MTMR3: variants seen among roughly 807,000 people sequenced by gnomAD.
MTMR3 encodes myotubularin related protein 3, also known as phosphatidylinositol-3,5-bisphosphate 3-phosphatase MTMR3.
MTMR3 carries 32 observed loss-of-function variants against 132.4 expected under a neutral mutation model. The observed-to-expected ratio is 0.24, with a 90% CI of 0.18 to 0.32. The LOEUF (loss-of-function observed/expected upper bound fraction) is 0.32. MTMR3 is among the 10% of genes least tolerant of loss of function. The pLI, the probability that MTMR3 is intolerant of heterozygous loss-of-function variation, is 1.00. For missense variants in MTMR3, 1,216 were observed against 1,489.6 expected (o/e 0.82, Z 3.02); for synonymous variants, 556 against 550.3 (o/e 1.01, Z -0.14).
chr22:30,008,092 A>G lies in MTMR3; in HGVS notation c.1009+60A>G, dbSNP rs185169625. On this transcript the variant is annotated intron_variant, in intron 11 of 19. Transcript: ENST00000401950. ...TCCTTGTGAGTGTAGCCCTTGCCCA[A>G]CTGAGACTTAGTTCCCAATTTGAAA... 7 of 1,580,522 alleles carry G rather than the reference A, an allele frequency of 4.4e-6. No homozygotes were observed. In the African/African-American group the frequency reaches 6.8e-5, roughly 15 times the overall value.
Position 29,991,625 on chromosome 22 carries a change from G to T in MTMR3, c.415G>T (p.Val139Phe). 2.5e-6 allele frequency: 4 copies of T among 1,613,400 alleles called. No homozygotes were observed. The highest frequency in any genetic ancestry group is 3.4e-6 in the Non-Finnish European group (4 of 1,179,772). The change falls in exon 7 of 20, where the codon GTC becomes TTC. Residue 139 changes from valine (V) to phenylalanine (F), a missense_variant. Coordinates refer to ENST00000401950, the MANE Select transcript of MTMR3 (RefSeq NM_021090.4). ...SFAYHAWCME[V>F]YASEKEQHGD... Reference sequence around the variant, plus strand: ...TGCATACCATGCTTGGTGCATGGAGGTCTATGCCAGTGAAAAAGAGCAACA... The same window carrying T: ...TGCATACCATGCTTGGTGCATGGAGTTCTATGCCAGTGAAAAAGAGCAACA...
intron 1 of MTMR3, among the ~76,000 whole-genome samples, chr22:29,949,238 A>G (rs2066023937): frequency 6.9e-6 from 1 of 145,178 alleles, no homozygotes; most frequent in Admixed American, 7.3e-5. Flanking sequence ...CTGTAATCCC[A>G]GCACTTTGGG....
chr22:29,922,003 C>T (rs1639146175), intron 1 of MTMR3, among the ~76,000 whole-genome samples: 1 of 151,696 alleles, frequency 6.6e-6, no homozygotes, highest in African/African-American at 2.4e-5. Flanking sequence ...GTATGCGGCA[C>T]CACACCAGCT....
rs528256009 is a variant in MTMR3, at chr22:29,924,448, C to CT, written c.-137-32587dup. Among the ~76,000 whole-genome samples the CT allele has an allele frequency of 4.6e-3, 681 of 148,266 alleles. 6 individuals are homozygous for CT. Among genetic ancestry groups the CT allele is most frequent in the African/African-American group, 0.016 (643 of 41,258 alleles). Reference sequence around the variant, plus strand: ...GTCTATTTTTATGCCAGTTTCCTCACTGTTTTGTTTACTGCAGCTTTGTAG... The same window carrying CT: ...GTCTATTTTTATGCCAGTTTCCTCACTTGTTTTGTTTACTGCAGCTTTGTAG... On this transcript the variant is annotated intron_variant, in intron 1 of 19. Coordinates refer to ENST00000401950, the MANE Select transcript of MTMR3 (RefSeq NM_021090.4).
chr22:29,929,383 C>A (rs1715129234), intron 1 of MTMR3, among the ~76,000 whole-genome samples: 1 of 152,000 alleles, frequency 6.6e-6, no homozygotes, highest in South Asian at 2.1e-4. Flanking sequence ...AAAACAGTTT[C>A]TTTATTGTTT....
In MTMR3 at chr22:30,020,563, C is replaced by T. The variant is rs1039690413; in HGVS notation, c.2904C>T (p.Asp968=). 1 of 1,614,228 alleles carries T rather than the reference C, an allele frequency of 6.2e-7. No homozygotes were observed. Among genetic ancestry groups the T allele is most frequent in the Non-Finnish European group, 8.5e-7 (1 of 1,180,046 alleles). The part of the protein sequence containing the change: ...CANGEAGRSK[D]SLSRQLSAMS... ...ATGGGGAGGCTGGTAGGAGCAAGGACTCACTGAGCCGTCAGCTGTCTGCTA... is the reference window on the plus strand; with the variant it reads ...ATGGGGAGGCTGGTAGGAGCAAGGATTCACTGAGCCGTCAGCTGTCTGCTA... The change falls in exon 17 of 20, where the codon GAC becomes GAT. Residue 968 remains aspartate, a synonymous_variant. Transcript: ENST00000401950.
chr22:29,899,358 T>C (rs2064962300), intron 1 of MTMR3, among the ~76,000 whole-genome samples: 1 of 152,132 alleles, frequency 6.6e-6, no homozygotes, highest in African/African-American at 2.4e-5. Flanking sequence ...CAGCCAGAAA[T>C]ATGATTTTAA....
intron 1 of MTMR3, among the ~76,000 whole-genome samples, chr22:29,945,659 C>T (rs1304491570): frequency 1.3e-5 from 2 of 149,774 alleles, no homozygotes; most frequent in Non-Finnish European, 3.0e-5. Flanking sequence ...AAGCTGTGAT[C>T]GTGCCACTGC....
rs945575630 is a variant in MTMR3, at chr22:29,969,876, A to G, written c.-84-1100A>G. ...TCATCTCCTACCATTCCTCTGCTCA[A>G]AATGCCTCAACACAATCTGGGCCTT... On this transcript the variant is annotated intron_variant, in intron 2 of 19. Transcript: ENST00000401950. 5.9e-5 allele frequency among the ~76,000 whole-genome samples: 9 copies of G among 152,254 alleles called. No individual in the cohort carries two copies. In the Middle Eastern group the frequency reaches 0.01, roughly 173 times the overall value.
intron 3 of MTMR3, among the ~76,000 whole-genome samples, chr22:29,975,372 G>A (rs2066610336): frequency 6.6e-6 from 1 of 152,056 alleles, no homozygotes; most frequent in Non-Finnish European, 1.5e-5. Context: ...TAGTTTTAGT[G>A]TTAACATTTT....
intron 1 of MTMR3, among the ~76,000 whole-genome samples, chr22:29,931,849 G>A (rs2065653623): frequency 7.0e-6 from 1 of 142,204 alleles, no homozygotes; most frequent in South Asian, 2.1e-4. Flanking sequence ...CTGATTTTTA[G>A]CCCTTTTTTG....
chr22:30,007,060 G>T, intron 9 of MTMR3, 54 bp from the exon 10 acceptor site: 1 of 1,584,268 alleles, frequency 6.3e-7, no homozygotes, highest in South Asian at 1.1e-5. Context: ...TATTTTGTGT[G>T]AGTACAGAGA....
chr22:29,990,547 C>G (rs1270767671), intron 6 of MTMR3: 1 of 152,116 alleles, frequency 6.6e-6, no homozygotes, highest in East Asian at 1.9e-4. Context: ...ACATTGCATT[C>G]AAAAAGGCCA....
Position 30,016,539 on chromosome 22 carries a change from G to A in MTMR3, c.1515G>A (p.Val505=), listed in dbSNP as rs1304839949. The A allele has an allele frequency of 6.2e-7, 1 of 1,613,766 alleles. No individual in the cohort carries two copies. Among genetic ancestry groups the A allele is most frequent in the African/African-American group, 1.3e-5 (1 of 74,918 alleles). The change falls in exon 15 of 20, where the codon GTG becomes GTA. Residue 505 remains valine (V), a synonymous_variant. Transcript: ENST00000401950. ...EFNEAFLVKL[V]QHTYSCLFGT... ...TTGGACTTCCATAGGTGAAACTGGTGCAGCATACCTATTCCTGCCTGTTTG... is the reference window on the plus strand; with the variant it reads ...TTGGACTTCCATAGGTGAAACTGGTACAGCATACCTATTCCTGCCTGTTTG...
chr22:29,919,415 T>TTAC (rs2065368013), intron 1 of MTMR3, among the ~76,000 whole-genome samples: 1 of 152,232 alleles, frequency 6.6e-6, no homozygotes, highest in South Asian at 2.1e-4. Flanking sequence ...AAGGAAAGCT[T>TTAC]TTCTCATCAA....
chr22:29,884,975 ACT>A (rs2064641519), intron 1 of MTMR3, among the ~76,000 whole-genome samples: 1 of 151,850 alleles, frequency 6.6e-6, no homozygotes, highest in African/African-American at 2.4e-5. Flanking sequence ...GGCTCCAATT[ACT>A]CCCTCATTTT....
At chr22:29,883,797 A>G (rs1327289236) in intron 1 of MTMR3, among the ~76,000 whole-genome samples, 2 of 152,094 alleles carry the variant, frequency 1.3e-5, no homozygotes, top group Admixed American at 1.3e-4. Flanking sequence ...ACTGGAGGTC[A>G]GGGGCCATGG....
intron 7 of MTMR3, chr22:29,991,927 G>C (rs1267921598): frequency 3.3e-6 from 1 of 300,476 alleles, no homozygotes; most frequent in Non-Finnish European, 6.1e-6. Flanking sequence ...TTTATGAATA[G>C]TATGGAAGCC....
At chr22:30,022,438 C>T in intron 18 of MTMR3, 171 bp from the exon 19 acceptor site, 1 of 648,316 alleles carries the variant, frequency 1.5e-6, no homozygotes, top group Non-Finnish European at 2.7e-6. Context: ...GGAGTCCCCT[C>T]CAGGGAAACG....
Sources: allele counts gnomAD v4.1 joint callset (sites outside exome capture counted in the v4.1 genomes callset), GRCh38; gene constraint gnomAD v4.1.1; transcripts MANE v1.5; gene names NCBI Gene and HGNC (gene_info 2026-07-23, HGNC 2026-07-21).